Variants in COMMD10 observed in about 807,000 individuals in gnomAD.
COMMD10 encodes COMM domain containing 10.
COMMD10 carries 33 observed loss-of-function variants against 28.9 expected under a neutral mutation model. That is an observed-to-expected ratio of 1.14 (90% CI 0.87 to 1.53). The LOEUF (loss-of-function observed/expected upper bound fraction) is 1.53. Ranked by LOEUF, COMMD10 falls within the 40% of genes most tolerant of loss-of-function variation. The probability of loss-of-function intolerance (pLI) is 0.00; values close to 1 mark genes in which losing one functional copy is unlikely to be tolerated. For synonymous variants in COMMD10, 110 were observed against 81.7 expected, an observed-to-expected ratio of 1.35 and a Z score of -1.87; for missense variants, 310 against 233.4, an observed-to-expected ratio of 1.33 and a Z score of -2.14.
At chr5:116,105,482 TA>T (rs1276662316) in intron 4 of COMMD10, among the ~76,000 whole-genome samples, 1 of 152,216 alleles carries the variant, frequency 6.6e-6, no homozygotes, top group Non-Finnish European at 1.5e-5. Flanking sequence ...TAAAATGAAT[TA>T]GGAAGGATTC....
In COMMD10 at chr5:116,125,938, A is replaced by G. The variant is rs181210306; in HGVS notation, c.400-8130A>G. Among the ~76,000 whole-genome samples, 25 of 152,202 alleles carry G rather than the reference A, an allele frequency of 1.6e-4. 1 individual carries two copies. The East Asian group carries it at 4.3e-3, about 26-fold the overall frequency. ...GGAAGTTCTGGCCAGGCCAAGCAGG[A>G]AAGAGAAAGAAATAAAGGGTATTCA... On this transcript the variant is annotated intron_variant, in intron 4 of 6. Transcript: ENST00000274458.
chr5:116,227,514 C>T (rs1445004463), intron 5 of COMMD10, among the ~76,000 whole-genome samples: 1 of 151,994 alleles, frequency 6.6e-6, no homozygotes, highest in South Asian at 2.1e-4. Context: ...CAAAATAGTA[C>T]TCTGCTTCAA....
intron 4 of COMMD10, among the ~76,000 whole-genome samples, chr5:116,131,301 G>C (rs938753357): frequency 1.3e-5 from 2 of 151,834 alleles, no homozygotes; most frequent in Admixed American, 1.3e-4. Context: ...TGAAAGCTAG[G>C]GTAATGTTTA....
At chr5:116,122,903 T>C (rs994743699) in intron 4 of COMMD10, among the ~76,000 whole-genome samples, 31 of 152,328 alleles carry the variant, frequency 2.0e-4, no homozygotes, top group Non-Finnish European at 2.1e-4. Context: ...TTTCTAAATA[T>C]ACAGTCATGT....
intron 5 of COMMD10, among the ~76,000 whole-genome samples, chr5:116,253,350 A>G (rs1463416960): frequency 6.8e-6 from 1 of 147,696 alleles, no homozygotes; most frequent in Admixed American, 6.7e-5. Flanking sequence ...AGGAGTGGTG[A>G]GAGAGGGCAT....
At chr5:116,118,756 A>C (rs555674990) in intron 4 of COMMD10, among the ~76,000 whole-genome samples, 3 of 151,918 alleles carry the variant, frequency 2.0e-5, no homozygotes, top group Non-Finnish European at 4.4e-5. Flanking sequence ...TCTCCAGGAA[A>C]AAAAAAAAGT....
At chr5:116,101,752 C>T (rs1230937830) in intron 4 of COMMD10, among the ~76,000 whole-genome samples, 1 of 152,166 alleles carries the variant, frequency 6.6e-6, no homozygotes, top group African/African-American at 2.4e-5. Context: ...GCCATTCTGA[C>T]TAGGGTAAGA....
At chr5:116,267,660 A>T (rs540023212) in intron 5 of COMMD10, among the ~76,000 whole-genome samples, 1 of 152,014 alleles carries the variant, frequency 6.6e-6, no homozygotes, top group Admixed American at 6.5e-5. Flanking sequence ...AAGCCAAAAG[A>T]ACAAAGCTGG....
intron 5 of COMMD10, among the ~76,000 whole-genome samples, chr5:116,161,608 C>T (rs1034141710): frequency 6.6e-6 from 1 of 151,646 alleles, no homozygotes; most frequent in Non-Finnish European, 1.5e-5. Context: ...TATATTTTAG[C>T]AATAGAGTAA....
At chr5:116,281,489 T>C (rs1751067940) in intron 5 of COMMD10, among the ~76,000 whole-genome samples, 1 of 151,798 alleles carries the variant, frequency 6.6e-6, no homozygotes, top group Non-Finnish European at 1.5e-5. Context: ...CGTTTCACTT[T>C]GCATTGTTTT....
chr5:116,105,252 G>C (rs1416072208), intron 4 of COMMD10, among the ~76,000 whole-genome samples: 1 of 152,134 alleles, frequency 6.6e-6, no homozygotes, highest in Non-Finnish European at 1.5e-5. Context: ...TTATGTGATG[G>C]ATTACTTTTA....
chr5:116,192,533 G>T (rs1748397729), intron 5 of COMMD10, among the ~76,000 whole-genome samples: 1 of 152,076 alleles, frequency 6.6e-6, no homozygotes, highest in South Asian at 2.1e-4. Flanking sequence ...GCTCTGGAAA[G>T]TCTCAACAAT....
At chr5:116,132,868 A>G (rs1293930570) in intron 4 of COMMD10, among the ~76,000 whole-genome samples, 3 of 152,150 alleles carry the variant, frequency 2.0e-5, no homozygotes, top group Non-Finnish European at 2.9e-5. Context: ...TAGAGATATT[A>G]TAGATTATAT....
intron 5 of COMMD10, among the ~76,000 whole-genome samples, chr5:116,172,139 A>G (rs141645205): frequency 6.6e-6 from 1 of 152,148 alleles, no homozygotes; most frequent in African/African-American, 2.4e-5. Flanking sequence ...ATTATAGTAC[A>G]TATGGTAAAC....
chr5:116,273,895 T>C (rs1452449936), intron 5 of COMMD10, among the ~76,000 whole-genome samples: 1 of 151,690 alleles, frequency 6.6e-6, no homozygotes, highest in Non-Finnish European at 1.5e-5. Flanking sequence ...AGAGAAAATT[T>C]GAGGGTACAA....
At chr5:116,153,737 C>G (rs1252646774) in intron 5 of COMMD10, among the ~76,000 whole-genome samples, 3 of 152,026 alleles carry the variant, frequency 2.0e-5, no homozygotes, top group African/African-American at 7.2e-5. Context: ...TAAGTGTGGG[C>G]CATGGCTTCT....
intron 5 of COMMD10, among the ~76,000 whole-genome samples, chr5:116,193,248 C>T (rs1229891682): frequency 6.6e-6 from 1 of 152,112 alleles, no homozygotes; most frequent in African/African-American, 2.4e-5. Context: ...AACAAAAATA[C>T]ACCTTAAAAA....
chr5:116,220,928 C>T (rs994031233), intron 5 of COMMD10, among the ~76,000 whole-genome samples: 1 of 152,134 alleles, frequency 6.6e-6, no homozygotes, highest in African/African-American at 2.4e-5. Context: ...GCGTTAATCA[C>T]TAGGTGAGGC....
chr5:116,220,198 G>T (rs1425288331), intron 5 of COMMD10, among the ~76,000 whole-genome samples: 3 of 152,126 alleles, frequency 2.0e-5, no homozygotes, highest in Non-Finnish European at 2.9e-5. Context: ...AAAATTGTTT[G>T]TAGGTACCTA....
Sources: allele counts gnomAD v4.1 joint callset (sites outside exome capture counted in the v4.1 genomes callset), GRCh38; gene constraint gnomAD v4.1.1; transcripts MANE v1.5; gene names NCBI Gene and HGNC (gene_info 2026-07-23, HGNC 2026-07-21).